The following KIAA1217 variants were observed in gnomAD, a reference collection of about 807,000 sequenced individuals.
KIAA1217 encodes the protein sickle tail protein homolog.
In KIAA1217, 88 loss-of-function variants were observed where a neutral mutation model predicts 163.9. The observed-to-expected ratio is 0.54, with a 90% CI of 0.45 to 0.64. KIAA1217 has a LOEUF of 0.64. KIAA1217 is among the 30% of genes least tolerant of loss of function. The probability of loss-of-function intolerance (pLI) is 0.00; values close to 1 mark genes in which losing one functional copy is unlikely to be tolerated. For missense variants in KIAA1217, 2,372 were observed against 2,475.0 expected (o/e 0.96, Z 0.88); for synonymous variants, 903 against 923.1 (o/e 0.98, Z 0.39).
At chr10:24,307,523 C>T (rs1342258007) in intron 2 of KIAA1217, among the ~76,000 whole-genome samples, 1 of 151,860 alleles carries the variant, frequency 6.6e-6, no homozygotes, top group African/African-American at 2.4e-5. Context: ...TGCTTATAAT[C>T]CCAGCGCTTT....
At position 24,520,647 on chromosome 10, in the gene KIAA1217, AAAAAAT is replaced by A. The variant is rs1410778204; in HGVS notation, c.2308+396_2308+401del. Among the ~76,000 whole-genome samples the A allele has an allele frequency of 2.0e-4, 16 of 81,676 alleles. No homozygotes were observed. The East Asian group carries it at 6.5e-3, about 33-fold the overall frequency. The allele number at this position is 81,676 out of a possible 152,430, so 53.6% of individuals were successfully genotyped here. Reference sequence around the variant, plus strand: ...TCTACCAAAAAAAAAAAAAAAAAAAAAAAAATATATATATATATATATATATATACA... The same window carrying A: ...TCTACCAAAAAAAAAAAAAAAAAAAAATATATATATATATATATATATACA... On this transcript the variant is annotated intron_variant, in intron 11 of 20. Transcript: ENST00000376454.
intron 2 of KIAA1217, among the ~76,000 whole-genome samples, chr10:24,379,721 G>C (rs2053027084): frequency 6.6e-6 from 1 of 152,138 alleles, no homozygotes; most frequent in African/African-American, 2.4e-5. Flanking sequence ...CTCAAGGCAG[G>C]ACTGGCTAAA....
At chr10:24,417,883 ATAACT>A (rs199511594) in intron 3 of KIAA1217, among the ~76,000 whole-genome samples, 4,399 of 150,448 alleles carry the variant, frequency 0.029, 83 homozygotes, top group African/African-American at 0.064. Context: ...GGTTATTAAC[ATAACT>A]TAAGTGGAAT....
chr10:24,441,179 A>G (rs2060469856), intron 5 of KIAA1217, among the ~76,000 whole-genome samples: 1 of 152,138 alleles, frequency 6.6e-6, no homozygotes, highest in Admixed American at 6.5e-5. Context: ...CCATGAAGGA[A>G]TTCGATGCTA....
chr10:24,290,122 A>G (rs2132428467), intron 2 of KIAA1217, among the ~76,000 whole-genome samples: 1 of 152,216 alleles, frequency 6.6e-6, no homozygotes, highest in South Asian at 2.1e-4. Context: ...GAGACCAAAG[A>G]ACCAGGAGGT....
chr10:23,706,195 T>C (rs1346265311), intron 1 of KIAA1217, among the ~76,000 whole-genome samples: 2 of 152,210 alleles, frequency 1.3e-5, no homozygotes, highest in Non-Finnish European at 2.9e-5. Flanking sequence ...GATCATGTCA[T>C]CTGTGAATAG....
intron 1 of KIAA1217, among the ~76,000 whole-genome samples, chr10:23,721,763 G>T (rs1184483874): frequency 6.6e-6 from 1 of 151,808 alleles, no homozygotes; most frequent in Non-Finnish European, 1.5e-5. Flanking sequence ...AAGCACACTG[G>T]TTCTAAGTTT....
intron 5 of KIAA1217, among the ~76,000 whole-genome samples, chr10:24,453,827 T>G (rs2061566968): frequency 6.6e-6 from 1 of 152,184 alleles, no homozygotes; most frequent in Non-Finnish European, 1.5e-5. Flanking sequence ...GAGTTACTTT[T>G]CATTAACTCC....
rs761477186 is a variant in KIAA1217, at chr10:24,473,376, A to G, written c.995A>G (p.Tyr332Cys). 21 of 1,611,212 alleles carry G rather than the reference A, an allele frequency of 1.3e-5. No individual in the cohort carries two copies. The highest frequency in any genetic ancestry group is 1.6e-5 in the Non-Finnish European group (19 of 1,178,524). The stretch of plus-strand genomic sequence containing the variant: ...CCCCCCTCCCCGTCCAGAATTCCTT[A>G]TGGGGGCACCCGCTCCATGGTTGTT... ...SMPPSPSRIPYGGTRSMVVPG... is the reference protein window; with the variant it reads ...SMPPSPSRIPCGGTRSMVVPG... Residue 332 changes from tyrosine to cysteine, a missense_variant, in exon 6 of 21, where the codon TAT (tyrosine) becomes TGT (cysteine). Coordinates refer to ENST00000376454, the MANE Select transcript of KIAA1217 (RefSeq NM_019590.5).
At chr10:24,313,664 A>T (rs763060636) in intron 2 of KIAA1217, among the ~76,000 whole-genome samples, 2 of 152,050 alleles carry the variant, frequency 1.3e-5, no homozygotes, top group Non-Finnish European at 2.9e-5. Context: ...ACCTGCAGAG[A>T]TGTGTTTATT....
chr10:24,213,269 T>C (rs559524721), intron 1 of KIAA1217, among the ~76,000 whole-genome samples: 43 of 152,304 alleles, frequency 2.8e-4, no homozygotes, highest in African/African-American at 7.7e-4. Flanking sequence ...GGGCTCTACA[T>C]TGTGACCCTG....
At chr10:23,714,332 A>T (rs1385344802) in intron 1 of KIAA1217, among the ~76,000 whole-genome samples, 1 of 152,030 alleles carries the variant, frequency 6.6e-6, no homozygotes, top group East Asian at 1.9e-4. Flanking sequence ...TTATGAAGAA[A>T]TTGCTCCCAG....
rs545180167 is a variant in KIAA1217, at chr10:24,252,981, C to T, written c.354+33072C>T. 1.3e-4 allele frequency among the ~76,000 whole-genome samples: 18 copies of T among 142,854 alleles called. 1 individual carries two copies. In the East Asian group the frequency reaches 2.7e-3, roughly 21 times the overall value. The allele number at this position is 142,854 out of a possible 152,430, so 93.7% of individuals were successfully genotyped here. Reference sequence around the variant, plus strand: ...CAGCCTGGGTAATATAGCGAGACCCCGCCTCTACAAATAATTAAAAAAAAA... The same window carrying T: ...CAGCCTGGGTAATATAGCGAGACCCTGCCTCTACAAATAATTAAAAAAAAA... On this transcript the variant is annotated intron_variant, in intron 2 of 20. Coordinates refer to ENST00000376454, the MANE Select transcript of KIAA1217 (RefSeq NM_019590.5).
At chr10:24,189,791 G>T (rs957385127) in intron 2 of KIAA1217, among the ~76,000 whole-genome samples, 1 of 152,162 alleles carries the variant, frequency 6.6e-6, no homozygotes, top group African/African-American at 2.4e-5. Context: ...CAAGGTGAGA[G>T]GATTGCTTGA....
intron 1 of KIAA1217, among the ~76,000 whole-genome samples, chr10:23,716,768 A>C (rs1287328811): frequency 6.6e-6 from 1 of 152,218 alleles, no homozygotes; most frequent in East Asian, 1.9e-4. Context: ...ACAACAAAAA[A>C]ACATTCTTGT....
intron 2 of KIAA1217, among the ~76,000 whole-genome samples, chr10:24,154,906 A>G: frequency 6.6e-6 from 1 of 151,166 alleles, no homozygotes; most frequent in African/African-American, 2.4e-5. Flanking sequence ...CAGCCTGGGC[A>G]ACAGAGTGAG....
At chr10:24,503,596 G>A (rs1434814591) in intron 9 of KIAA1217, among the ~76,000 whole-genome samples, 1 of 152,168 alleles carries the variant, frequency 6.6e-6, no homozygotes, top group Non-Finnish European at 1.5e-5. Flanking sequence ...GATAGAATAA[G>A]TATCCAGTGT....
intron 2 of KIAA1217, among the ~76,000 whole-genome samples, chr10:24,226,106 C>A (rs2070485834): frequency 6.6e-6 from 1 of 151,664 alleles, no homozygotes; most frequent in Non-Finnish European, 1.5e-5. Context: ...GTTAAGAAGT[C>A]AACATTTGAA....
At chr10:24,280,150 A>T (rs1189984052) in intron 2 of KIAA1217, among the ~76,000 whole-genome samples, 1 of 152,172 alleles carries the variant, frequency 6.6e-6, no homozygotes, top group Non-Finnish European at 1.5e-5. Context: ...TTTTAGGTGG[A>T]ACCATAGGAT....
Sources: gnomAD v4.1 joint callset for allele counts (sites outside exome capture counted in the v4.1 genomes callset) on GRCh38, gnomAD v4.1.1 for gene constraint, MANE v1.5 for transcripts, NCBI Gene and HGNC (gene_info 2026-07-23, HGNC 2026-07-21) for gene names.